PLA2G7: variants seen among roughly 807,000 people sequenced by gnomAD.
PLA2G7 encodes the protein phospholipase A2 group VII.
PLA2G7 carries 63 observed loss-of-function variants against 49.6 expected under a neutral mutation model. The ratio of observed to expected loss-of-function variants is 1.27; its 90% CI spans 1.04 to 1.57. The LOEUF (loss-of-function observed/expected upper bound fraction) is 1.57. Among genes scored for constraint, PLA2G7 ranks in the 40% most tolerant of loss-of-function variants. PLA2G7 has a pLI of 0.00. For missense variants in PLA2G7, 596 were observed against 521.2 expected (o/e 1.14, Z -1.40); for synonymous variants, 193 against 169.9 (o/e 1.14, Z -1.06).
intron 1 of PLA2G7, among the ~76,000 whole-genome samples, chr6:46,723,286 G>C (rs1325948087): frequency 6.6e-6 from 1 of 152,006 alleles, no homozygotes; most frequent in South Asian, 2.1e-4. Flanking sequence ...AATATCCATA[G>C]GTATGTCTAG....
Position 46,704,443 on chromosome 6 carries a change from C to T in PLA2G7, c.*117G>A, listed in dbSNP as rs200305522. The T allele has an allele frequency of 1.9e-6, 1 of 518,312 alleles. No homozygotes were observed. Among genetic ancestry groups the T allele is most frequent in the African/African-American group, 2.1e-5 (1 of 47,738 alleles). The allele number at this position is 518,312 out of a possible 1,614,324, so 32.1% of individuals were successfully genotyped here. A position where few individuals can be genotyped will look rare whatever the true frequency, so the allele number is the denominator to read the frequency against. ...TCCTTTGGGAAAATACATTAAAATT[C>T]TCTCTCTCTCTCTCTCTCTCTCTCT... On this transcript the variant is annotated 3_prime_UTR_variant, in exon 12 of 12. Coordinates refer to ENST00000274793, the MANE Select transcript of PLA2G7 (RefSeq NM_005084.4).
chr6:46,714,439 G>A (rs764808111), intron 5 of PLA2G7, 21 bp downstream of exon 5: 1 of 1,490,388 alleles, frequency 6.7e-7, no homozygotes, highest in Non-Finnish European at 9.4e-7. Flanking sequence ...AGCCAAAATT[G>A]TTCAACCTCT....
At chr6:46,726,230 T>C (rs1049330931) in intron 1 of PLA2G7, among the ~76,000 whole-genome samples, 2 of 152,176 alleles carry the variant, frequency 1.3e-5, no homozygotes, top group Admixed American at 6.5e-5. Context: ...GAGAGAAAGA[T>C]TCTGCTTTCT....
intron 3 of PLA2G7, 97 bp downstream of exon 3, chr6:46,716,878 C>T (rs946556939): frequency 2.0e-5 from 25 of 1,252,164 alleles, no homozygotes; most frequent in South Asian, 3.6e-5. Context: ...GAGTCATTCT[C>T]AGGTGAGGGC....
chr6:46,713,199 T>G (rs555329158), intron 5 of PLA2G7, among the ~76,000 whole-genome samples: 1 of 152,324 alleles, frequency 6.6e-6, no homozygotes, highest in East Asian at 1.9e-4. Context: ...AACCTTTTCC[T>G]CATACCATGC....
intron 10 of PLA2G7, among the ~76,000 whole-genome samples, 158 bp downstream of exon 10, chr6:46,707,833 C>A (rs929819958): frequency 6.6e-6 from 1 of 152,056 alleles, no homozygotes; most frequent in Non-Finnish European, 1.5e-5. Context: ...AAGAGTAAGA[C>A]TAAATGTACT....
rs753345999 is a variant in PLA2G7 at position 46,704,466 on chromosome 6, TCTCTCTCTCTCTCACA to T, written c.*78_*93del. 3,925 of 503,632 alleles carry T rather than the reference TCTCTCTCTCTCTCACA, an allele frequency of 7.8e-3. 46 individuals are homozygous for T. Among genetic ancestry groups the T allele is most frequent in the African/African-American group, 0.06 (2,000 of 33,506 alleles). 31.2% of individuals were successfully genotyped at this position (503,632 alleles called of 1,614,324 possible). A position where few individuals can be genotyped will look rare whatever the true frequency, so the allele number is the denominator to read the frequency against. On this transcript the variant is annotated 3_prime_UTR_variant, in exon 12 of 12. Coordinates refer to ENST00000274793, the MANE Select transcript of PLA2G7 (RefSeq NM_005084.4). ...TTCTCTCTCTCTCTCTCTCTCTCTC[TCTCTCTCTCTCTCACA>T]CACACACACACACACACACACACAC...
In PLA2G7 at chr6:46,710,199, G is replaced by A. The variant is rs45448992; in HGVS notation, c.777+346C>T. The stretch of plus-strand genomic sequence containing the variant: ...CACTCTGTCTGATATTTTTCCACCC[G>A]CTCCCAAACTTGTGTCAAGTTTTCA... On this transcript the variant is annotated intron_variant, in intron 8 of 11. Coordinates refer to ENST00000274793, the MANE Select transcript of PLA2G7 (RefSeq NM_005084.4). Among the ~76,000 whole-genome samples, 246 of 152,112 alleles carry A rather than the reference G, an allele frequency of 1.6e-3. 3 individuals are homozygous for A. In the East Asian group the frequency reaches 0.018, roughly 11 times the overall value.
intron 1 of PLA2G7, among the ~76,000 whole-genome samples, chr6:46,729,894 A>G (rs1338632984): frequency 6.6e-6 from 1 of 152,230 alleles, no homozygotes; most frequent in African/African-American, 2.4e-5. Context: ...TACATTGAGC[A>G]GTTCTCCTGT....
intron 9 of PLA2G7, among the ~76,000 whole-genome samples, chr6:46,708,926 G>T (rs1295524313): frequency 3.3e-5 from 5 of 152,022 alleles, no homozygotes; most frequent in Admixed American, 6.5e-5. Flanking sequence ...TTTAGATCCA[G>T]CTCCATCTTA....
At chr6:46,724,200 T>A (rs1315008755) in intron 1 of PLA2G7, among the ~76,000 whole-genome samples, 1 of 152,200 alleles carries the variant, frequency 6.6e-6, no homozygotes, top group African/African-American at 2.4e-5. Flanking sequence ...CCTACTTTAT[T>A]TTTCTCCAAT....
chr6:46,709,188 T>C, intron 9 of PLA2G7, 139 bp downstream of exon 9: 1 of 632,096 alleles, frequency 1.6e-6, no homozygotes, highest in East Asian at 2.8e-5. Flanking sequence ...TATAGAGTAT[T>C]TTATGGGGGC....
intron 1 of PLA2G7, among the ~76,000 whole-genome samples, chr6:46,727,811 C>G (rs933616662): frequency 6.6e-6 from 1 of 152,134 alleles, no homozygotes; most frequent in African/African-American, 2.4e-5. Flanking sequence ...TGTGGATGGC[C>G]TCTAGAATCT....
intron 2 of PLA2G7, among the ~76,000 whole-genome samples, chr6:46,719,926 A>T (rs935838155): frequency 3.3e-5 from 5 of 152,048 alleles, no homozygotes; most frequent in Non-Finnish European, 7.4e-5. Context: ...CTTTTTTTTT[A>T]AACTTTACCT....
chr6:46,714,622 C>T, intron 4 of PLA2G7, 69 bp from the exon 5 acceptor site: 1 of 922,806 alleles, frequency 1.1e-6, no homozygotes, highest in East Asian at 2.4e-5. Context: ...ATTCATATCT[C>T]ATTAGCATAA....
At chr6:46,717,379 A>G (rs1765245569) in intron 2 of PLA2G7, among the ~76,000 whole-genome samples, 1 of 152,154 alleles carries the variant, frequency 6.6e-6, no homozygotes, top group African/African-American at 2.4e-5. Context: ...TTCTACTTCT[A>G]TCCAGAGTAA....
intron 2 of PLA2G7, among the ~76,000 whole-genome samples, chr6:46,721,512 G>A (rs1765400381): frequency 6.6e-6 from 1 of 151,672 alleles, no homozygotes; most frequent in African/African-American, 2.4e-5. Context: ...TTTTTACCCT[G>A]TACCAATTAA....
At chr6:46,707,834 T>C (rs1046951782) in intron 10 of PLA2G7, among the ~76,000 whole-genome samples, 157 bp downstream of exon 10, 1 of 152,202 alleles carries the variant, frequency 6.6e-6, no homozygotes, top group Non-Finnish European at 1.5e-5. Context: ...AGAGTAAGAC[T>C]AAATGTACTT....
intron 2 of PLA2G7, among the ~76,000 whole-genome samples, chr6:46,719,216 C>T (rs1207396277): frequency 2.6e-5 from 4 of 152,178 alleles, no homozygotes. Flanking sequence ...TTAGATAAAG[C>T]GTCTGCATCA....
Sources: allele counts gnomAD v4.1 joint callset (sites outside exome capture counted in the v4.1 genomes callset), GRCh38; gene constraint gnomAD v4.1.1; transcripts MANE v1.5; gene names NCBI Gene and HGNC (gene_info 2026-07-23, HGNC 2026-07-21).